Variants in HUWE1 observed in about 807,000 individuals in gnomAD.
The protein encoded by HUWE1 is HECT, UBA and WWE domain containing E3 ubiquitin protein ligase 1.
HUWE1 carries 18 observed loss-of-function variants against 299.4 expected under a neutral mutation model. The ratio of observed to expected loss-of-function variants is 0.06; its 90% CI spans 0.04 to 0.09. The LOEUF (loss-of-function observed/expected upper bound fraction) is 0.09, where lower values mean the gene tolerates loss of function less well. HUWE1 is among the 10% of genes least tolerant of loss of function. The pLI is 1.00. For synonymous variants in HUWE1, 1,317 were observed against 1,286.1 expected (o/e 1.02, Z -0.51); for missense variants, 1,832 against 3,462.3 (o/e 0.53, Z 11.82).
chrX:53,631,714 C>T, intron 9 of HUWE1, 100 bp from the exon 10 acceptor site: 1 of 585,620 alleles, frequency 1.7e-6, no homozygotes, highest in Non-Finnish European at 2.9e-6. Context: ...CAAGATGTCA[C>T]CTAATAGGCT....
intron 7 of HUWE1, among the ~76,000 whole-genome samples, chrX:53,643,984 T>C (rs1432119097): frequency 1.8e-5 from 2 of 110,302 alleles, no homozygotes; most frequent in African/African-American, 6.6e-5. Context: ...CCACCACACC[T>C]GGCGGATTTT....
chrX:53,673,777 T>A (rs868990830), intron 3 of HUWE1, among the ~76,000 whole-genome samples: 1 of 111,651 alleles, frequency 9.0e-6, no homozygotes, highest in South Asian at 3.7e-4. Context: ...AATGATCAAT[T>A]CTGGAGTGGG....
At position 53,647,672 on chromosome X, in the gene HUWE1, C is replaced by A. The variant is rs1374561319; in HGVS notation, c.145-98G>T. On this transcript the variant is annotated intron_variant, in intron 5 of 83. Transcript: ENST00000262854. ...TGTTACAAGAGATTGCTGAGCATGA[C>A]ACCTAGACAAGTTCACGTCCCACCC... 7.7e-6 allele frequency: 5 copies of A among 646,033 alleles called. No homozygotes were observed. The African/African-American group carries it at 1.1e-4, about 14-fold the overall frequency. The allele number at this position is 646,033 out of a possible 1,213,427, so 53.2% of individuals were successfully genotyped here.
intron 24 of HUWE1, 106 bp downstream of exon 24, chrX:53,608,746 T>A (rs2065280926): frequency 3.4e-6 from 2 of 584,910 alleles, no homozygotes; most frequent in Non-Finnish European, 3.1e-6. Context: ...CTTAATTGGA[T>A]TCCAATTAAA....
intron 3 of HUWE1, among the ~76,000 whole-genome samples, chrX:53,674,754 A>G (rs1281188321): frequency 2.7e-5 from 3 of 111,248 alleles, no homozygotes; most frequent in Non-Finnish European, 3.8e-5. Flanking sequence ...CCTAGACCAC[A>G]CTGTCCTACA....
At chrX:53,562,989 G>A in intron 52 of HUWE1, 60 bp from the exon 53 acceptor site, 1 of 1,009,838 alleles carries the variant, frequency 9.9e-7, no homozygotes, top group Non-Finnish European at 1.4e-6. Flanking sequence ...TCCAGACTGG[G>A]TGCGTCTAAA....
At chrX:53,561,673 C>T (rs1372151401) in intron 55 of HUWE1, 83 bp downstream of exon 55, 3 of 1,186,001 alleles carry the variant, frequency 2.5e-6, no homozygotes, top group Non-Finnish European at 1.1e-6. Context: ...TGTATCGGAT[C>T]GGTTTGGTCC....
At chrX:53,635,270 T>A (rs1159365769) in intron 7 of HUWE1, among the ~76,000 whole-genome samples, 6 of 109,616 alleles carry the variant, frequency 5.5e-5, no homozygotes, top group African/African-American at 2.0e-4. Flanking sequence ...ATAAATTTTA[T>A]ATAAAATTTA....
intron 29 of HUWE1, among the ~76,000 whole-genome samples, chrX:53,598,838 A>C (rs1256946493): frequency 8.9e-6 from 1 of 112,119 alleles, no homozygotes; most frequent in Non-Finnish European, 1.9e-5. Context: ...GTGTAAAAAT[A>C]GGCTCTACTT....
intron 81 of HUWE1, 113 bp from the exon 82 acceptor site, chrX:53,534,810 C>T: frequency 1.6e-6 from 1 of 623,370 alleles, no homozygotes; most frequent in Non-Finnish European, 2.5e-6. Context: ...CAGGCATGCA[C>T]CACCACAACT....
chrX:53,555,464 T>C (rs1233046076), intron 60 of HUWE1, among the ~76,000 whole-genome samples: 3 of 108,441 alleles, frequency 2.8e-5, no homozygotes, highest in African/African-American at 1.0e-4. Flanking sequence ...TAGCTGAGAC[T>C]ATAGGCATGT....
chrX:53,535,101 T>C (rs968200193), intron 81 of HUWE1, among the ~76,000 whole-genome samples: 1 of 111,126 alleles, frequency 9.0e-6, no homozygotes, highest in Non-Finnish European at 1.9e-5. Flanking sequence ...CACACTTGGC[T>C]AATTTTTTAT....
chrX:53,561,713 AAG>A, intron 55 of HUWE1, 41 bp downstream of exon 55: 3 of 1,209,738 alleles, frequency 2.5e-6, no homozygotes, highest in Non-Finnish European at 2.2e-6. Flanking sequence ...AGAAGGGTAT[AAG>A]AATCAAGAGA....
intron 3 of HUWE1, among the ~76,000 whole-genome samples, chrX:53,664,097 C>T (rs2069138192): frequency 9.0e-6 from 1 of 111,032 alleles, no homozygotes; most frequent in East Asian, 2.8e-4. Flanking sequence ...GTCACCTAGG[C>T]TGGAGTGCAG....
At chrX:53,544,414 C>A in intron 72 of HUWE1, 146 bp downstream of exon 72, 1 of 517,670 alleles carries the variant, frequency 1.9e-6, no homozygotes. Context: ...TAGAATGCAG[C>A]CATCAACATT....
At chrX:53,660,895 GTCAAGT>G (rs1180278985) in intron 3 of HUWE1, among the ~76,000 whole-genome samples, 2 of 50,163 alleles carry the variant, frequency 4.0e-5, no homozygotes, top group Non-Finnish European at 1.4e-4. Context: ...CACCACTCAA[GTCAAGT>G]TTTGCCTCTA....
At chrX:53,552,975 T>C (rs1556930807) in intron 61 of HUWE1, 82 bp from the exon 62 acceptor site, 3 of 1,036,217 alleles carry the variant, frequency 2.9e-6, no homozygotes, top group Non-Finnish European at 4.0e-6. Flanking sequence ...ATAGGGCTGC[T>C]TCCTTAGGGG....
intron 3 of HUWE1, among the ~76,000 whole-genome samples, chrX:53,656,192 G>A (rs1429783248): frequency 3.7e-5 from 4 of 109,222 alleles, no homozygotes; most frequent in African/African-American, 1.0e-4. Context: ...TGGCTAACAC[G>A]GTAAAACCCC....
chrX:53,646,057 T>C (rs1376807632), intron 6 of HUWE1, among the ~76,000 whole-genome samples: 2 of 110,711 alleles, frequency 1.8e-5, no homozygotes, highest in African/African-American at 6.6e-5. Context: ...GTCCTTCATA[T>C]AGAAGCTAAA....
Sources: gnomAD v4.1 joint callset for allele counts (sites outside exome capture counted in the v4.1 genomes callset) on GRCh38, gnomAD v4.1.1 for gene constraint, MANE v1.5 for transcripts, NCBI Gene and HGNC (gene_info 2026-07-23, HGNC 2026-07-21) for gene names.